Variants in SLC24A2 observed in about 807,000 individuals in gnomAD.
SLC24A2 encodes solute carrier family 24 member 2, also known as sodium/potassium/calcium exchanger 2.
Under a neutral mutation model 62.0 loss-of-function variants are expected in SLC24A2, and 36 were observed. The observed-to-expected ratio is 0.58, with a 90% confidence interval of 0.44 to 0.77. The LOEUF (loss-of-function observed/expected upper bound fraction) is 0.77, where lower values mean the gene tolerates loss of function less well. SLC24A2 is among the 30% of genes least tolerant of loss of function. SLC24A2 has a pLI of 0.00. For synonymous variants in SLC24A2, 358 were observed against 294.0 expected (o/e 1.22, Z -2.23); for missense variants, 846 against 817.9 (o/e 1.03, Z -0.42).
At chr9:20,206,883 G>GT in the SLC24A2 span, among the ~76,000 whole-genome samples, 13 of 145,716 alleles carry the variant, frequency 8.9e-5, no homozygotes, top group East Asian at 3.9e-4. Context: ...AACTAAGTTG[G>GT]GGGGGGCGGT....
At chr9:19,639,950 C>G (rs1818451045) in intron 2 of SLC24A2, among the ~76,000 whole-genome samples, 2 of 152,168 alleles carry the variant, frequency 1.3e-5, no homozygotes, top group South Asian at 4.1e-4. Flanking sequence ...TAATCAAGCC[C>G]CAAACCATAT....
In SLC24A2 at chr9:19,754,056, T is replaced by G. The variant is rs865875154; in HGVS notation, c.930+31881A>C. ...ACTTAAAAAAAATTTTAAAAACTCCTATCCTTTCCACAACATTAACAATTT... is the reference window on the plus strand; with the variant it reads ...ACTTAAAAAAAATTTTAAAAACTCCGATCCTTTCCACAACATTAACAATTT... On this transcript the variant is annotated intron_variant, in intron 2 of 10. Transcript: ENST00000341998. Among the ~76,000 whole-genome samples, 9 of 152,340 alleles carry G rather than the reference T, an allele frequency of 5.9e-5. No homozygotes were observed. In the Middle Eastern group the frequency reaches 0.01, roughly 173 times the overall value.
the SLC24A2 span, among the ~76,000 whole-genome samples, chr9:19,886,610 A>G: frequency 1.3e-5 from 2 of 152,340 alleles, no homozygotes; most frequent in Non-Finnish European, 1.5e-5. Context: ...CATTGGTGGG[A>G]ATGTAAATTA....
chr9:20,099,117 A>G, the SLC24A2 span, among the ~76,000 whole-genome samples: 1 of 152,238 alleles, frequency 6.6e-6, no homozygotes, highest in Non-Finnish European at 1.5e-5. Context: ...GAAACTAGAC[A>G]TTACCCATCA....
chr9:19,804,278 T>G, the SLC24A2 span, among the ~76,000 whole-genome samples: 1 of 152,188 alleles, frequency 6.6e-6, no homozygotes, highest in Admixed American at 6.5e-5. Flanking sequence ...TTATATTTAT[T>G]TAGGTCCTCT....
At chr9:20,116,411 G>C in the SLC24A2 span, among the ~76,000 whole-genome samples, 1 of 152,074 alleles carries the variant, frequency 6.6e-6, no homozygotes, top group African/African-American at 2.4e-5. Flanking sequence ...TCTGATAGAG[G>C]GTGCCCAGAA....
the SLC24A2 span, among the ~76,000 whole-genome samples, chr9:20,209,945 T>C: frequency 6.6e-6 from 1 of 152,340 alleles, no homozygotes; most frequent in African/African-American, 2.4e-5. Flanking sequence ...AGGCCTTTCA[T>C]AGGTATCTCT....
At chr9:20,086,781 T>C in the SLC24A2 span, among the ~76,000 whole-genome samples, 1 of 152,234 alleles carries the variant, frequency 6.6e-6, no homozygotes, top group African/African-American at 2.4e-5. Flanking sequence ...TTATTATGCT[T>C]TTCTTTTTGT....
chr9:20,113,716 T>C, the SLC24A2 span, among the ~76,000 whole-genome samples: 59 of 152,254 alleles, frequency 3.9e-4, no homozygotes, highest in African/African-American at 1.4e-3. Flanking sequence ...AAACAGCATA[T>C]ATATACTCTT....
At chr9:19,740,626 T>C (rs894979092) in intron 2 of SLC24A2, among the ~76,000 whole-genome samples, 3 of 152,214 alleles carry the variant, frequency 2.0e-5, no homozygotes, top group African/African-American at 7.2e-5. Flanking sequence ...AGGTGGGGTT[T>C]ACATGAACAT....
intron 8 of SLC24A2, among the ~76,000 whole-genome samples, chr9:19,535,043 T>A (rs1336014099): frequency 6.6e-6 from 1 of 152,218 alleles, no homozygotes; most frequent in Admixed American, 6.5e-5. Context: ...TTTTTAATGA[T>A]CACCATTCTA....
rs373689714 is a variant in SLC24A2 at position 19,606,657 on chromosome 9, C to T, written c.1079-9378G>A. 1.8e-4 allele frequency among the ~76,000 whole-genome samples: 28 copies of T among 152,244 alleles called. No homozygotes were observed. In the East Asian group the frequency reaches 3.3e-3, roughly 18 times the overall value. Reference sequence around the variant, plus strand: ...GAATATATGAGAACACACACACACACGCACACACACACACTAAACAAGTCT... The same window carrying T: ...GAATATATGAGAACACACACACACATGCACACACACACACTAAACAAGTCT... On this transcript the variant is annotated intron_variant, in intron 4 of 10. Transcript: ENST00000341998.
chr9:20,064,648 T>A, the SLC24A2 span, among the ~76,000 whole-genome samples: 3 of 152,198 alleles, frequency 2.0e-5, no homozygotes, highest in African/African-American at 7.2e-5. Context: ...GTAAACAGGA[T>A]CACAACTGAT....
intron 7 of SLC24A2, among the ~76,000 whole-genome samples, chr9:19,572,673 G>C (rs545522012): frequency 6.6e-6 from 1 of 152,312 alleles, no homozygotes; most frequent in East Asian, 1.9e-4. Flanking sequence ...TTCTTCATAA[G>C]TTCTCTATAG....
chr9:19,759,228 TA>T (rs1216012740), intron 2 of SLC24A2, among the ~76,000 whole-genome samples: 1 of 152,192 alleles, frequency 6.6e-6, no homozygotes, highest in Non-Finnish European at 1.5e-5. Flanking sequence ...TGGCATAACC[TA>T]AATACCAGAG....
chr9:20,142,284 T>C, the SLC24A2 span, among the ~76,000 whole-genome samples: 1 of 152,122 alleles, frequency 6.6e-6, no homozygotes, highest in East Asian at 1.9e-4. Flanking sequence ...CTTTTATTAA[T>C]ATTTGACTTT....
chr9:19,605,933 G>T (rs1350455368), intron 4 of SLC24A2, among the ~76,000 whole-genome samples: 1 of 152,248 alleles, frequency 6.6e-6, no homozygotes, highest in Admixed American at 6.5e-5. Context: ...GCTCCTCATT[G>T]TGTCTGCTCA....
At chr9:20,271,457 G>A in the SLC24A2 span, among the ~76,000 whole-genome samples, 3 of 150,276 alleles carry the variant, frequency 2.0e-5, no homozygotes, top group Non-Finnish European at 4.5e-5. Flanking sequence ...TTCTTTTATG[G>A]AATTTCCTTT....
chr9:19,842,701 A>C, the SLC24A2 span, among the ~76,000 whole-genome samples: 1 of 152,178 alleles, frequency 6.6e-6, no homozygotes, highest in Non-Finnish European at 1.5e-5. Flanking sequence ...CAACTTAGAA[A>C]TTTTGAGTGC....
Sources: gnomAD v4.1 joint callset for allele counts (sites outside exome capture counted in the v4.1 genomes callset) on GRCh38, gnomAD v4.1.1 for gene constraint, MANE v1.5 for transcripts, NCBI Gene and HGNC (gene_info 2026-07-23, HGNC 2026-07-21) for gene names.